Variants in ADGRA3 observed in about 807,000 individuals in gnomAD.
ADGRA3 encodes adhesion G protein-coupled receptor A3, also known as G-protein coupled receptor 125.
ADGRA3 carries 56 observed loss-of-function variants against 119.8 expected under a neutral mutation model. That is an observed-to-expected ratio of 0.47 (90% confidence interval 0.38 to 0.58). The LOEUF is 0.58. Among genes scored for constraint, ADGRA3 ranks in the 20% least tolerant of loss-of-function variants. The probability of loss-of-function intolerance (pLI) is 0.00; values close to 1 mark genes in which losing one functional copy is unlikely to be tolerated. For synonymous variants in ADGRA3, 607 were observed against 623.8 expected (o/e 0.97, Z 0.40); for missense variants, 1,516 against 1,649.0 (o/e 0.92, Z 1.40).
At chr4:22,422,593 C>T (rs1174709678) in intron 11 of ADGRA3, among the ~76,000 whole-genome samples, 3 of 152,250 alleles carry the variant, frequency 2.0e-5, no homozygotes, top group African/African-American at 7.2e-5. Flanking sequence ...AGAAATCTGT[C>T]ATTTTGAGGC....
intron 2 of ADGRA3, among the ~76,000 whole-genome samples, chr4:22,463,601 C>T (rs923282433): frequency 2.0e-5 from 3 of 152,210 alleles, no homozygotes; most frequent in Non-Finnish European, 4.4e-5. Flanking sequence ...CATCCAATCA[C>T]AGGCACATTC....
chr4:22,514,131 T>C (rs1013569736), intron 1 of ADGRA3, among the ~76,000 whole-genome samples: 1 of 152,150 alleles, frequency 6.6e-6, no homozygotes, highest in Non-Finnish European at 1.5e-5. Flanking sequence ...TAAATGTTTA[T>C]AACATAACTG....
chr4:22,459,955 T>A (rs1164427148), intron 3 of ADGRA3, among the ~76,000 whole-genome samples: 2 of 152,008 alleles, frequency 1.3e-5, no homozygotes, highest in Admixed American at 1.3e-4. Context: ...AAAATCCCAG[T>A]CCCTGACCGG....
chr4:22,483,336 A>G (rs977846496), intron 1 of ADGRA3, among the ~76,000 whole-genome samples: 13 of 152,218 alleles, frequency 8.5e-5, no homozygotes, highest in African/African-American at 3.1e-4. Context: ...GTAAAAAATA[A>G]AACTGGGTTT....
intron 10 of ADGRA3, among the ~76,000 whole-genome samples, chr4:22,431,964 C>T (rs550422110): frequency 6.6e-6 from 1 of 152,148 alleles, no homozygotes; most frequent in African/African-American, 2.4e-5. Flanking sequence ...CATTACATAT[C>T]ATTTCAGTTA....
chr4:22,441,359 A>G (rs1716605472), intron 7 of ADGRA3, among the ~76,000 whole-genome samples: 1 of 152,326 alleles, frequency 6.6e-6, no homozygotes, highest in African/African-American at 2.4e-5. Context: ...GCCTGACCAA[A>G]CAAAAGTTAG....
At chr4:22,510,028 A>AG (rs34229141) in intron 1 of ADGRA3, among the ~76,000 whole-genome samples, 1 of 150,694 alleles carries the variant, frequency 6.6e-6, no homozygotes, top group African/African-American at 2.4e-5. Context: ...AAAAAAAAAA[A>AG]GAAATGACTT....
chr4:22,491,595 T>A (rs1447983639), intron 1 of ADGRA3, among the ~76,000 whole-genome samples: 1 of 152,086 alleles, frequency 6.6e-6, no homozygotes, highest in African/African-American at 2.4e-5. Context: ...TCTTCCAACA[T>A]CCACCAAGTG....
intron 1 of ADGRA3, among the ~76,000 whole-genome samples, chr4:22,476,546 T>A (rs965459589): frequency 6.6e-6 from 1 of 152,234 alleles, no homozygotes; most frequent in Non-Finnish European, 1.5e-5. Flanking sequence ...TATCCTTGAT[T>A]GACAATATAT....
intron 12 of ADGRA3, among the ~76,000 whole-genome samples, chr4:22,416,570 CAA>C (rs1472880299): frequency 3.9e-5 from 6 of 152,064 alleles, no homozygotes; most frequent in Non-Finnish European, 8.8e-5. Flanking sequence ...ATGACAAGCA[CAA>C]AAGTCTAGGG....
At chr4:22,396,666 A>G (rs16872606) in intron 16 of ADGRA3, among the ~76,000 whole-genome samples, 10,718 of 152,220 alleles carry the variant, frequency 0.07, 702 homozygotes, top group East Asian at 0.24. Flanking sequence ...AGTGAAGCAA[A>G]GAATGTCTGA....
At chr4:22,401,650 G>C in intron 15 of ADGRA3, 96 bp from the exon 16 acceptor site, 1 of 844,700 alleles carries the variant, frequency 1.2e-6, no homozygotes, top group East Asian at 2.7e-5. Context: ...AAAGGTAAAA[G>C]TTAAATATTT....
chr4:22,476,385 C>T (rs1718046046), intron 1 of ADGRA3, among the ~76,000 whole-genome samples: 1 of 152,096 alleles, frequency 6.6e-6, no homozygotes, highest in South Asian at 2.1e-4. Flanking sequence ...ATCGGAAACT[C>T]CCAAAGAGGT....
chr4:22,468,246 T>C (rs1229478741), intron 2 of ADGRA3, among the ~76,000 whole-genome samples: 1 of 152,214 alleles, frequency 6.6e-6, no homozygotes, highest in African/African-American at 2.4e-5. Flanking sequence ...CACAGCAGGC[T>C]GCTCTGCTCC....
chr4:22,514,524 A>G (rs1719569290), intron 1 of ADGRA3: 2 of 152,228 alleles, frequency 1.3e-5, no homozygotes, highest in Non-Finnish European at 2.9e-5. Flanking sequence ...GTGTTTTCAT[A>G]GATCATGCTG....
chr4:22,489,903 AAC>A (rs1304289109), intron 1 of ADGRA3, among the ~76,000 whole-genome samples: 1 of 152,222 alleles, frequency 6.6e-6, no homozygotes, highest in African/African-American at 2.4e-5. Context: ...TTTATCATCA[AAC>A]ACACTGGAGG....
intron 17 of ADGRA3, among the ~76,000 whole-genome samples, chr4:22,389,671 C>G (rs955958664): frequency 6.6e-6 from 1 of 152,130 alleles, no homozygotes; most frequent in Non-Finnish European, 1.5e-5. Flanking sequence ...CGCCAGTCCA[C>G]TGAGATTAAG....
intron 1 of ADGRA3, among the ~76,000 whole-genome samples, chr4:22,491,899 G>T (rs187628978): frequency 5.3e-5 from 8 of 152,282 alleles, no homozygotes; most frequent in Admixed American, 5.2e-4. Context: ...GAGAAGAACG[G>T]ATTTCTTTCT....
chr4:22,497,782 A>C lies in ADGRA3; in HGVS notation c.257+17746T>G, dbSNP rs868569711. On this transcript the variant is annotated intron_variant, in intron 1 of 18. Coordinates refer to ENST00000334304, the MANE Select transcript of ADGRA3 (RefSeq NM_145290.4). Reference sequence around the variant, plus strand: ...CTCAAAAAAAAAAAAAAAAAAAAAAAGGGATCAAGTGTTCAGGCCGGGTGT... The same window carrying C: ...CTCAAAAAAAAAAAAAAAAAAAAAACGGGATCAAGTGTTCAGGCCGGGTGT... 1.4e-4 allele frequency among the ~76,000 whole-genome samples: 16 copies of C among 118,148 alleles called. No homozygotes were observed. The East Asian group carries it at 4.0e-3, about 30-fold the overall frequency. 77.5% of individuals were successfully genotyped at this position (118,148 alleles called of 152,430 possible).
Sources: allele counts gnomAD v4.1 joint callset (sites outside exome capture counted in the v4.1 genomes callset), GRCh38; gene constraint gnomAD v4.1.1; transcripts MANE v1.5; gene names NCBI Gene and HGNC (gene_info 2026-07-23, HGNC 2026-07-21).